FHOD3: variants seen among roughly 807,000 people sequenced by gnomAD.
FHOD3 encodes FH1/FH2 domain-containing protein 3.
A neutral mutation model predicts 173.0 loss-of-function variants in FHOD3; 90 were observed. The ratio of observed to expected loss-of-function variants is 0.52; its 90% CI spans 0.44 to 0.62. FHOD3 has a LOEUF of 0.62. Among genes scored for constraint, FHOD3 ranks in the 20% least tolerant of loss-of-function variants. FHOD3 has a pLI of 0.00. For missense variants in FHOD3, 1,945 were observed against 2,034.7 expected, an observed-to-expected ratio of 0.96 and a Z score of 0.85; for synonymous variants, 828 against 823.0, an observed-to-expected ratio of 1.01 and a Z score of -0.10.
chr18:36,659,549 A>G (rs917000092), intron 14 of FHOD3, among the ~76,000 whole-genome samples: 3 of 152,208 alleles, frequency 2.0e-5, no homozygotes, highest in Non-Finnish European at 4.4e-5. Flanking sequence ...GACGTTGCAC[A>G]TCTTGCACCT....
At chr18:36,756,967 C>G (rs117428010) in intron 25 of FHOD3, among the ~76,000 whole-genome samples, 1,576 of 152,208 alleles carry the variant, frequency 0.01, 6 homozygotes, top group Non-Finnish European at 0.018. Context: ...CTGTGGCCCA[C>G]ATTTTATTCA....
intron 1 of FHOD3, among the ~76,000 whole-genome samples, chr18:36,311,947 C>G (rs151211580): frequency 2.6e-5 from 4 of 152,292 alleles, no homozygotes; most frequent in South Asian, 4.1e-4. Flanking sequence ...CCTCTTTTGT[C>G]CAGAAAGTCC....
intron 5 of FHOD3, among the ~76,000 whole-genome samples, chr18:36,547,108 G>A (rs1423717883): frequency 1.3e-5 from 2 of 152,182 alleles, no homozygotes; most frequent in Non-Finnish European, 2.9e-5. Flanking sequence ...CGCCTTCAGG[G>A]GCAGGTTGGA....
chr18:36,487,857 G>A (rs1419340758), intron 3 of FHOD3, among the ~76,000 whole-genome samples: 2 of 151,748 alleles, frequency 1.3e-5, no homozygotes, highest in Non-Finnish European at 2.9e-5. Flanking sequence ...AAATACAGAG[G>A]AAAGTGTCAG....
At chr18:36,698,247 G>C (rs1310391872) in intron 17 of FHOD3, among the ~76,000 whole-genome samples, 5 of 152,146 alleles carry the variant, frequency 3.3e-5, no homozygotes, top group Non-Finnish European at 2.9e-5. Flanking sequence ...GGTCCTACCT[G>C]CTACACCTGC....
At chr18:36,726,462 G>A (rs997990881) in intron 19 of FHOD3, among the ~76,000 whole-genome samples, 8 of 151,972 alleles carry the variant, frequency 5.3e-5, no homozygotes, top group African/African-American at 1.4e-4. Flanking sequence ...CCTCTGCCCC[G>A]TCACATCTCA....
intron 10 of FHOD3, among the ~76,000 whole-genome samples, chr18:36,629,259 C>T (rs1432710928): frequency 6.6e-6 from 1 of 152,190 alleles, no homozygotes; most frequent in African/African-American, 2.4e-5. Context: ...TGAATTCTGC[C>T]TTTGTAGCAC....
chr18:36,420,504 G>A (rs1205114545), intron 3 of FHOD3, among the ~76,000 whole-genome samples: 1 of 152,216 alleles, frequency 6.6e-6, no homozygotes, highest in South Asian at 2.1e-4. Context: ...GCCTCGGGAG[G>A]TGACTGTGAG....
chr18:36,454,278 G>C (rs1182810191), intron 3 of FHOD3, among the ~76,000 whole-genome samples: 1 of 151,872 alleles, frequency 6.6e-6, no homozygotes, highest in Non-Finnish European at 1.5e-5. Flanking sequence ...ACACACAAGA[G>C]GGTACACACA....
chr18:36,695,992 C>A (rs1019617723), intron 17 of FHOD3, among the ~76,000 whole-genome samples: 1 of 152,204 alleles, frequency 6.6e-6, no homozygotes, highest in Admixed American at 6.5e-5. Flanking sequence ...CATGTCCAAA[C>A]GTGCCAGGGA....
intron 3 of FHOD3, among the ~76,000 whole-genome samples, chr18:36,482,201 C>A (rs2053938670): frequency 6.6e-6 from 1 of 152,150 alleles, no homozygotes; most frequent in Non-Finnish European, 1.5e-5. Flanking sequence ...GTGTGTAAAG[C>A]AGACACAAAT....
At chr18:36,501,845 A>G in intron 3 of FHOD3, 87 bp from the exon 4 acceptor site, 1 of 894,530 alleles carries the variant, frequency 1.1e-6, no homozygotes, top group Non-Finnish European at 1.7e-6. Context: ...TTCCAGGGAT[A>G]GTTTTGTTAT....
intron 3 of FHOD3, among the ~76,000 whole-genome samples, chr18:36,437,373 G>A (rs1301263333): frequency 6.6e-6 from 1 of 152,122 alleles, no homozygotes; most frequent in Non-Finnish European, 1.5e-5. Context: ...GAGAATAATA[G>A]TGATCTTCTA....
intron 13 of FHOD3, among the ~76,000 whole-genome samples, chr18:36,653,867 T>C (rs900724625): frequency 2.0e-5 from 3 of 152,214 alleles, no homozygotes; most frequent in African/African-American, 7.2e-5. Context: ...TTCCATGAAA[T>C]TAGTACTTTA....
intron 27 of FHOD3, among the ~76,000 whole-genome samples, 168 bp from the exon 28 acceptor site, chr18:36,769,097 T>C (rs1457885080): frequency 6.6e-6 from 1 of 152,182 alleles, no homozygotes; most frequent in Non-Finnish European, 1.5e-5. Flanking sequence ...CTCCCTGCAG[T>C]GGGGACAGGT....
At chr18:36,777,983 A>G (rs1475698053) in intron 28 of FHOD3, 2 of 152,242 alleles carry the variant, frequency 1.3e-5, no homozygotes, top group Admixed American at 6.5e-5. Context: ...TGAGCACACA[A>G]TGGGTTCTCA....
At chr18:36,427,602 C>T (rs1243724356) in intron 3 of FHOD3, among the ~76,000 whole-genome samples, 4 of 152,222 alleles carry the variant, frequency 2.6e-5, no homozygotes, top group African/African-American at 7.2e-5. Flanking sequence ...TTATCAGTTT[C>T]ACTCTTGCGG....
At chr18:36,639,476 T>TCCTGGCTAACAC (rs1394576563) in intron 10 of FHOD3, among the ~76,000 whole-genome samples, 32 of 152,176 alleles carry the variant, frequency 2.1e-4, no homozygotes, top group African/African-American at 6.7e-4. Context: ...ATCAAGACCA[T>TCCTGGCTAACAC]GGTGAAACCC....
chr18:36,688,192 A>G (rs374375228), intron 16 of FHOD3, among the ~76,000 whole-genome samples: 42 of 152,368 alleles, frequency 2.8e-4, no homozygotes, highest in African/African-American at 1.0e-3. Flanking sequence ...CCAGCTCTTT[A>G]TAGCCTGCAG....
Sources: gnomAD v4.1 joint callset for allele counts (sites outside exome capture counted in the v4.1 genomes callset) on GRCh38, gnomAD v4.1.1 for gene constraint, MANE v1.5 for transcripts, NCBI Gene and HGNC (gene_info 2026-07-23, HGNC 2026-07-21) for gene names.